Variants in KCNC2 observed in about 807,000 individuals in gnomAD.
KCNC2 encodes the protein voltage-gated potassium channel KCNC2.
Under a neutral mutation model 44.5 loss-of-function variants are expected in KCNC2, and 21 were observed. The ratio of observed to expected loss-of-function variants is 0.47; its 90% CI spans 0.33 to 0.68. The LOEUF (loss-of-function observed/expected upper bound fraction) is 0.68, where lower values mean the gene tolerates loss of function less well. KCNC2 is among the 30% of genes least tolerant of loss of function. The pLI, the probability that KCNC2 is intolerant of heterozygous loss-of-function variation, is 0.01. For missense variants in KCNC2, 589 were observed against 826.2 expected, an observed-to-expected ratio of 0.71 and a Z score of 3.52; for synonymous variants, 391 against 339.1, an observed-to-expected ratio of 1.15 and a Z score of -1.68.
At chr12:75,092,828 A>G (rs530787608) in intron 2 of KCNC2, among the ~76,000 whole-genome samples, 1 of 151,766 alleles carries the variant, frequency 6.6e-6, no homozygotes, top group Non-Finnish European at 1.5e-5. Context: ...ATATTCTTTT[A>G]ATAAAAAGAA....
intron 2 of KCNC2, among the ~76,000 whole-genome samples, chr12:75,147,380 A>T (rs1030056031): frequency 6.6e-6 from 1 of 152,138 alleles, no homozygotes; most frequent in Non-Finnish European, 1.5e-5. Context: ...ACGTTTTCTT[A>T]AAAGTTCACT....
intron 4 of KCNC2, chr12:75,044,441 A>T (rs1880256131): frequency 6.6e-6 from 1 of 151,978 alleles, no homozygotes; most frequent in South Asian, 2.1e-4. Flanking sequence ...TGAGAAAAAA[A>T]AAATGGGTCC....
At chr12:75,043,518 A>G in intron 4 of KCNC2, 8 of 1,250,760 alleles carry the variant, frequency 6.4e-6, no homozygotes, top group Non-Finnish European at 8.2e-6. Flanking sequence ...ATTTTGGCAT[A>G]TAGAATACTA....
At position 75,048,237 on chromosome 12, in the gene KCNC2, T is replaced by C. The variant is rs1158096437; in HGVS notation, c.1696A>G (p.Arg566Gly). 2 of 1,613,184 alleles carry C rather than the reference T, an allele frequency of 1.2e-6. No homozygotes were observed. Among genetic ancestry groups the C allele is most frequent in the Non-Finnish European group, 1.7e-6 (2 of 1,179,420 alleles). ...GTTTCCCCTCTTCTGTTTTTGTCTC[T>C]GGTACTAGAGCGTCTGATGGGGAGC... is the stretch of plus-strand genomic sequence containing the variant. ...ERLPIRRSST[R>G]DKNRRGETCF... Residue 566 changes from arginine (R) to glycine (G), a missense_variant, in exon 4 of 5, where the codon AGA becomes GGA. Around this residue, in one of 7 missense-constraint regions of KCNC2, gnomAD observed 171 missense variants for 182.4 expected, o/e 0.94. Coordinates refer to ENST00000549446, the MANE Select transcript of KCNC2 (RefSeq NM_139137.4).
intron 2 of KCNC2, among the ~76,000 whole-genome samples, chr12:75,062,486 G>T (rs775944550): frequency 6.6e-6 from 1 of 151,686 alleles, no homozygotes; most frequent in East Asian, 1.9e-4. Context: ...TCCAAATGCT[G>T]GTTCTACACA....
chr12:75,070,738 CT>C (rs1453390056), intron 2 of KCNC2, among the ~76,000 whole-genome samples: 2 of 151,520 alleles, frequency 1.3e-5, no homozygotes, highest in Non-Finnish European at 2.9e-5. Flanking sequence ...AAATTTATAT[CT>C]TTTTAGTTTA....
At chr12:75,171,076 G>C (rs113690727) in intron 2 of KCNC2, among the ~76,000 whole-genome samples, 2 of 19,838 alleles carry the variant, frequency 1.0e-4, no homozygotes, top group Non-Finnish European at 1.5e-4. Flanking sequence ...AGCCAGCAGG[G>C]GATCTTACTA....
intron 2 of KCNC2, among the ~76,000 whole-genome samples, chr12:75,096,198 A>G (rs1168746886): frequency 6.6e-6 from 1 of 152,018 alleles, no homozygotes; most frequent in Non-Finnish European, 1.5e-5. Context: ...TTATTTCTCC[A>G]TAAAAACAAA....
intron 2 of KCNC2, among the ~76,000 whole-genome samples, chr12:75,175,597 A>G (rs1042597513): frequency 5.9e-5 from 9 of 152,042 alleles, no homozygotes; most frequent in African/African-American, 2.2e-4. Flanking sequence ...TAATTGCTAA[A>G]GTGAGACTGC....
At chr12:75,182,546 A>AC (rs1471886315) in intron 2 of KCNC2, among the ~76,000 whole-genome samples, 51 of 145,814 alleles carry the variant, frequency 3.5e-4, no homozygotes, top group African/African-American at 1.2e-3. Flanking sequence ...AACAAAAAAA[A>AC]CAAAAAAAAA....
chr12:75,077,584 T>C (rs1399805237), intron 2 of KCNC2, among the ~76,000 whole-genome samples: 1 of 152,180 alleles, frequency 6.6e-6, no homozygotes, highest in Non-Finnish European at 1.5e-5. Flanking sequence ...AGGGCAAAAT[T>C]TTTCTCTCTT....
chr12:75,145,556 C>T lies in KCNC2; in HGVS notation c.687+61741G>A, dbSNP rs534035991. ...TTTTTAATCTTATTTTATATGACCC[C>T]GTTAATATACAGGTTCAACCATTCC... On this transcript the variant is annotated intron_variant, in intron 2 of 4. Coordinates refer to ENST00000549446, the MANE Select transcript of KCNC2 (RefSeq NM_139137.4). 1.2e-4 allele frequency among the ~76,000 whole-genome samples: 18 copies of T among 151,780 alleles called. No homozygotes were observed. The South Asian group carries it at 2.5e-3, about 21-fold the overall frequency.
At position 75,041,308 on chromosome 12, in the gene KCNC2, T is replaced by C; in HGVS notation, c.*1797A>G. 6.6e-7 allele frequency: 1 copy of C among 1,512,922 alleles called. No homozygotes were observed. Among genetic ancestry groups the C allele is most frequent in the Non-Finnish European group, 8.8e-7 (1 of 1,133,296 alleles). 93.7% of individuals were successfully genotyped at this position (1,512,922 alleles called of 1,614,324 possible). ...TGTGTGGTGTTATCAAAAGAATCAC[T>C]GTGTCTCTAAATATCATATATGTAT... On this transcript the variant is annotated 3_prime_UTR_variant, in exon 5 of 5. Transcript: ENST00000549446.
chr12:75,204,605 C>A (rs1449383448), intron 2 of KCNC2, among the ~76,000 whole-genome samples: 1 of 152,004 alleles, frequency 6.6e-6, no homozygotes, highest in Admixed American at 6.5e-5. Flanking sequence ...AAGAATGAGA[C>A]TCATGATAAT....
chr12:75,171,104 C>G (rs899366229), intron 2 of KCNC2, among the ~76,000 whole-genome samples: 10 of 151,720 alleles, frequency 6.6e-5, no homozygotes, highest in Admixed American at 5.9e-4. Flanking sequence ...ATGTCTCTGA[C>G]ATTTTCTGTA....
chr12:75,206,117 T>C (rs1003184988), intron 2 of KCNC2, among the ~76,000 whole-genome samples: 1 of 152,168 alleles, frequency 6.6e-6, no homozygotes, highest in Non-Finnish European at 1.5e-5. Flanking sequence ...AATTAGTAGA[T>C]AGCTGCATAA....
intron 2 of KCNC2, among the ~76,000 whole-genome samples, chr12:75,157,226 C>G (rs1358604149): frequency 6.6e-6 from 1 of 151,828 alleles, no homozygotes; most frequent in Non-Finnish European, 1.5e-5. Flanking sequence ...AGTGGGCAAG[C>G]TTTCCATTTT....
chr12:75,139,575 T>C (rs1215399569), intron 2 of KCNC2, among the ~76,000 whole-genome samples: 4 of 152,230 alleles, frequency 2.6e-5, no homozygotes, highest in African/African-American at 9.6e-5. Flanking sequence ...CCATAAATAT[T>C]ACCCTGACTC....
chr12:75,094,620 C>T (rs1885767547), intron 2 of KCNC2, among the ~76,000 whole-genome samples: 1 of 151,654 alleles, frequency 6.6e-6, no homozygotes, highest in South Asian at 2.1e-4. Context: ...TTGTAAGGTC[C>T]TTGATCCTAT....
Sources: gnomAD v4.1 joint callset for allele counts (sites outside exome capture counted in the v4.1 genomes callset) on GRCh38, gnomAD v4.1.1 for gene constraint, gnomAD v4.1.1 regional missense constraint, MANE v1.5 for transcripts, NCBI Gene and HGNC (gene_info 2026-07-23, HGNC 2026-07-21) for gene names.